Variants in RERE observed in about 807,000 individuals in gnomAD.
RERE encodes arginine-glutamic acid dipeptide repeats protein.
A neutral mutation model predicts 146.1 loss-of-function variants in RERE; 40 were observed. The ratio of observed to expected loss-of-function variants is 0.27; its 90% confidence interval spans 0.21 to 0.36. The LOEUF is 0.36. Among genes scored for constraint, RERE ranks in the 10% least tolerant of loss-of-function variants. The pLI is 1.00. For synonymous variants in RERE, 1,003 were observed against 866.0 expected, an observed-to-expected ratio of 1.16 and a Z score of -2.78; for missense variants, 1,933 against 2,138.7, an observed-to-expected ratio of 0.90 and a Z score of 1.90.
At chr1:8,373,462 C>T (rs1454507523) in intron 12 of RERE, among the ~76,000 whole-genome samples, 2 of 152,004 alleles carry the variant, frequency 1.3e-5, no homozygotes, top group African/African-American at 2.4e-5. Context: ...TATGTTTTTT[C>T]AGGGAGAAAT....
At chr1:8,629,646 T>C (rs556361140) in intron 2 of RERE, among the ~76,000 whole-genome samples, 31 of 152,330 alleles carry the variant, frequency 2.0e-4, no homozygotes, top group African/African-American at 7.2e-4. Flanking sequence ...GCATCTTTTC[T>C]GACAGCCTCC....
intron 10 of RERE, among the ~76,000 whole-genome samples, chr1:8,484,246 G>GTTATATA (rs1644869870): frequency 6.6e-6 from 1 of 152,120 alleles, no homozygotes; most frequent in Admixed American, 6.5e-5. Flanking sequence ...TCATCTCCAT[G>GTTATATA]TTATATAGCA....
intron 1 of RERE, among the ~76,000 whole-genome samples, chr1:8,761,930 AG>A (rs1640765065): frequency 6.6e-6 from 1 of 152,128 alleles, no homozygotes; most frequent in African/African-American, 2.4e-5. Context: ...CTCAAAAAAA[AG>A]GAAAAGAAAA....
chr1:8,709,298 T>A (rs1639620728), intron 1 of RERE, among the ~76,000 whole-genome samples: 1 of 152,016 alleles, frequency 6.6e-6, no homozygotes, highest in Admixed American at 6.5e-5. Flanking sequence ...TTTTTTTTCT[T>A]ATATTGAGAC....
At chr1:8,804,831 T>C (rs1178071673) in intron 1 of RERE, among the ~76,000 whole-genome samples, 2 of 152,154 alleles carry the variant, frequency 1.3e-5, no homozygotes, top group Non-Finnish European at 2.9e-5. Flanking sequence ...GGACTGTCTA[T>C]GAGATACATG....
At chr1:8,606,868 G>C (rs1302559066) in intron 4 of RERE, among the ~76,000 whole-genome samples, 2 of 152,234 alleles carry the variant, frequency 1.3e-5, no homozygotes, top group African/African-American at 4.8e-5. Flanking sequence ...TACCTGATAC[G>C]ATCTAATCGT....
chr1:8,497,380 C>T lies in RERE; in HGVS notation c.1004+25G>A, dbSNP rs1033986298. 7 of 1,613,570 alleles carry T rather than the reference C, an allele frequency of 4.3e-6. No homozygotes were observed. The East Asian group carries it at 1.6e-4, about 36-fold the overall frequency. ...AGTTCAGATGGTCTAATTCAGAAAG[C>T]AGGATGGGGGTAGATTCCTATTACC... is the stretch of plus-strand genomic sequence containing the variant. On this transcript the variant is annotated intron_variant, in intron 9 of 22. Coordinates refer to ENST00000400908, the MANE Select transcript of RERE (RefSeq NM_001042681.2).
At position 8,803,572 on chromosome 1, in the gene RERE, G is replaced by A. The variant is rs565660748; in HGVS notation, c.-145+13588C>T. ...CCCAAGTTACTAAAGTTTTGAAGGGGAAGGTTGGTCTGGTTTTCTGTTTTT... is the reference window on the plus strand; with the variant it reads ...CCCAAGTTACTAAAGTTTTGAAGGGAAAGGTTGGTCTGGTTTTCTGTTTTT... On this transcript the variant is annotated intron_variant, in intron 1 of 22. Transcript: ENST00000400908. Among the ~76,000 whole-genome samples the A allele has an allele frequency of 2.0e-5, 3 of 152,210 alleles. No individual in the cohort carries two copies. The Middle Eastern group carries it at 0.01, about 518-fold the overall frequency.
In RERE at chr1:8,423,880, C is replaced by T. The variant is rs1643960931; in HGVS notation, c.1204-1073G>A. 1 of 160,592 alleles carries T rather than the reference C, an allele frequency of 6.2e-6. No individual in the cohort carries two copies. Among genetic ancestry groups the T allele is most frequent in the Admixed American group, 6.7e-5 (1 of 15,034 alleles). The allele number at this position is 160,592 out of a possible 1,614,324, so 9.9% of individuals were successfully genotyped here. A position where few individuals can be genotyped will look rare whatever the true frequency, so the allele number is the denominator to read the frequency against. On this transcript the variant is annotated intron_variant, in intron 11 of 22. Coordinates refer to ENST00000400908, the MANE Select transcript of RERE (RefSeq NM_001042681.2). This position sits in a 1 kb window ranked among gnomAD's most constrained non-coding sequence, Gnocchi z 5.4. ...CTGTCCGCCAGCCGGGGCCCCGCGC[C>T]CCGGCCCCGGCCCCGCCCCCGGCCC...
rs1557590573 is a variant in RERE at position 8,364,860 on chromosome 1, T to C, written c.1448-22A>G. ...TCCACTGGGCGTGGCAGGCACATAG[T>C]GGGGGTGGGGGAGACACCATCATGC... On this transcript the variant is annotated intron_variant, in intron 13 of 22. Coordinates refer to ENST00000400908, the MANE Select transcript of RERE (RefSeq NM_001042681.2). The surrounding 1 kb of genome is among the most constrained non-coding windows in gnomAD (Gnocchi z 5.1). 7.7e-6 allele frequency: 8 copies of C among 1,043,076 alleles called. No homozygotes were observed. Among genetic ancestry groups the C allele is most frequent in the Non-Finnish European group, 7.2e-6 (6 of 838,138 alleles). The allele number at this position is 1,043,076 out of a possible 1,614,324, so 64.6% of individuals were successfully genotyped here.
At chr1:8,641,554 G>C (rs573309544) in intron 2 of RERE, among the ~76,000 whole-genome samples, 1 of 152,080 alleles carries the variant, frequency 6.6e-6, no homozygotes, top group Non-Finnish European at 1.5e-5. Flanking sequence ...ACAGTCCTCC[G>C]GACTGATTTT....
intron 10 of RERE, among the ~76,000 whole-genome samples, chr1:8,493,266 T>C (rs1306491251): frequency 6.6e-6 from 1 of 152,194 alleles, no homozygotes. Context: ...TAAAATAATC[T>C]TAAAGGCCCC....
chr1:8,493,991 A>C (rs896561416), intron 10 of RERE, among the ~76,000 whole-genome samples: 4 of 152,220 alleles, frequency 2.6e-5, no homozygotes, highest in African/African-American at 9.6e-5. Flanking sequence ...AAAACAAATA[A>C]AAACAACAAC....
intron 1 of RERE, among the ~76,000 whole-genome samples, chr1:8,707,965 TA>T (rs1639589974): frequency 6.6e-6 from 1 of 152,186 alleles, no homozygotes; most frequent in Non-Finnish European, 1.5e-5. Flanking sequence ...TAATTGTTCT[TA>T]TTATTGATAA....
intron 1 of RERE, among the ~76,000 whole-genome samples, chr1:8,674,521 C>T (rs977224767): frequency 1.3e-5 from 2 of 152,184 alleles, no homozygotes; most frequent in Non-Finnish European, 2.9e-5. Context: ...GATCTCCCAA[C>T]AACACTTGTA....
intron 12 of RERE, among the ~76,000 whole-genome samples, chr1:8,413,316 G>T (rs1434410034): frequency 6.6e-6 from 1 of 152,092 alleles, no homozygotes; most frequent in Non-Finnish European, 1.5e-5. Context: ...TCAAGTCCAA[G>T]AATAAAATAA....
chr1:8,425,113 A>T (rs1236783822), intron 11 of RERE: 1 of 151,854 alleles, frequency 6.6e-6, no homozygotes, highest in Non-Finnish European at 1.5e-5. Context: ...TTAGGGACAG[A>T]CCAGTTAAAG....
At chr1:8,673,107 A>T (rs566740821) in intron 1 of RERE, among the ~76,000 whole-genome samples, 5 of 152,178 alleles carry the variant, frequency 3.3e-5, no homozygotes, top group African/African-American at 1.2e-4. Context: ...TTATTTATTT[A>T]TTTATTTTGA....
intron 4 of RERE, among the ~76,000 whole-genome samples, chr1:8,567,093 C>G (rs1046017457): frequency 2.0e-4 from 30 of 152,030 alleles, no homozygotes; most frequent in African/African-American, 7.0e-4. Context: ...CCGGCCAGAA[C>G]TAGCATAATG....
Sources: allele counts gnomAD v4.1 joint callset (sites outside exome capture counted in the v4.1 genomes callset), GRCh38; gene constraint gnomAD v4.1.1; non-coding constraint Gnocchi (gnomAD v3.1); transcripts MANE v1.5; gene names NCBI Gene and HGNC (gene_info 2026-07-23, HGNC 2026-07-21).